Variants in SORCS3 observed in about 807,000 individuals in gnomAD.
SORCS3 encodes the protein sortilin related VPS10 domain containing receptor 3, also known as VPS10 domain-containing receptor SorCS3.
A neutral mutation model predicts 146.3 loss-of-function variants in SORCS3; 57 were observed. That is an observed-to-expected ratio of 0.39 (90% CI 0.31 to 0.49). The LOEUF (loss-of-function observed/expected upper bound fraction) is 0.49, where lower values mean the gene tolerates loss of function less well. Ranked by LOEUF, SORCS3 falls within the 20% of genes least tolerant of loss-of-function variation. The pLI is 0.92. For missense variants in SORCS3, 1,341 were observed against 1,575.5 expected, an observed-to-expected ratio of 0.85 and a Z score of 2.52; for synonymous variants, 653 against 618.5, an observed-to-expected ratio of 1.06 and a Z score of -0.83.
chr10:104,652,236 T>C (rs980369668), intron 1 of SORCS3, among the ~76,000 whole-genome samples: 8 of 152,256 alleles, frequency 5.3e-5, no homozygotes, highest in African/African-American at 1.9e-4. Flanking sequence ...ATTCATTCAA[T>C]AATTTGTTTG....
intron 5 of SORCS3, among the ~76,000 whole-genome samples, chr10:105,046,390 C>T (rs898107839): frequency 2.6e-5 from 4 of 152,068 alleles, no homozygotes; most frequent in African/African-American, 9.7e-5. Context: ...TTTCTTCTCC[C>T]ATGCTACTCG....
chr10:105,005,051 C>T (rs2055086345), intron 4 of SORCS3, among the ~76,000 whole-genome samples: 1 of 152,142 alleles, frequency 6.6e-6, no homozygotes, highest in African/African-American at 2.4e-5. Context: ...AGCCTTTGAC[C>T]AGTTACTCAA....
At chr10:105,139,237 C>A (rs1466761301) in intron 7 of SORCS3, among the ~76,000 whole-genome samples, 160 bp from the exon 8 acceptor site, 1 of 152,184 alleles carries the variant, frequency 6.6e-6, no homozygotes, top group African/African-American at 2.4e-5. Flanking sequence ...GTGGGAGCAA[C>A]TCAGAGTGCC....
intron 7 of SORCS3, among the ~76,000 whole-genome samples, chr10:105,139,028 A>G (rs2056077031): frequency 6.6e-6 from 1 of 152,258 alleles, no homozygotes; most frequent in African/African-American, 2.4e-5. Flanking sequence ...GAATGAATTA[A>G]TAAACAATTC....
intron 7 of SORCS3, among the ~76,000 whole-genome samples, chr10:105,107,365 C>T (rs2055829676): frequency 1.3e-5 from 2 of 149,266 alleles, no homozygotes; most frequent in South Asian, 4.2e-4. Context: ...ATGAATTTAC[C>T]AGTCGGATTT....
intron 3 of SORCS3, among the ~76,000 whole-genome samples, chr10:104,940,236 A>ATTTT (rs1156750677): frequency 4.2e-5 from 1 of 23,612 alleles, no homozygotes; most frequent in Non-Finnish European, 8.7e-5. Context: ...ATATATATAT[A>ATTTT]TATTTTTTTT....
At chr10:104,899,090 C>G (rs561642330) in intron 2 of SORCS3, among the ~76,000 whole-genome samples, 160 of 152,288 alleles carry the variant, frequency 1.1e-3, no homozygotes, top group Non-Finnish European at 1.9e-3. Context: ...CATAGGGACT[C>G]AGTAAACATC....
At chr10:105,242,482 ATT>A (rs1340969113) in intron 20 of SORCS3, among the ~76,000 whole-genome samples, 1 of 54,058 alleles carries the variant, frequency 1.8e-5, no homozygotes, top group African/African-American at 8.3e-5. Context: ...ATATTTATAT[ATT>A]TATATATTTA....
chr10:105,187,315 G>C (rs1187205499), intron 14 of SORCS3, among the ~76,000 whole-genome samples: 5 of 152,052 alleles, frequency 3.3e-5, no homozygotes, highest in Non-Finnish European at 7.4e-5. Flanking sequence ...CCACTTACAG[G>C]ATTCTTGCTG....
At chr10:104,899,240 T>A (rs550679618) in intron 2 of SORCS3, among the ~76,000 whole-genome samples, 3 of 152,210 alleles carry the variant, frequency 2.0e-5, no homozygotes, top group Non-Finnish European at 4.4e-5. Flanking sequence ...AGTATATAGT[T>A]TTTAAACAGA....
intron 4 of SORCS3, among the ~76,000 whole-genome samples, chr10:104,977,822 C>G (rs569140620): frequency 5.4e-5 from 8 of 149,532 alleles, no homozygotes; most frequent in African/African-American, 2.0e-4. Flanking sequence ...ACCTCTGCCT[C>G]CTGGGTTCAA....
chr10:104,840,292 A>C (rs1409762597), intron 1 of SORCS3, among the ~76,000 whole-genome samples: 2 of 152,226 alleles, frequency 1.3e-5, no homozygotes, highest in Non-Finnish European at 2.9e-5. Context: ...TGCTTCCTCC[A>C]TGTAGAAACA....
chr10:105,034,150 G>A (rs17118159), intron 4 of SORCS3, among the ~76,000 whole-genome samples: 1,673 of 152,218 alleles, frequency 0.011, 32 homozygotes, highest in African/African-American at 0.038. Context: ...ACGGAGAGCC[G>A]TGAGAGCAGA....
At chr10:104,982,362 C>A (rs972722840) in intron 4 of SORCS3, among the ~76,000 whole-genome samples, 3 of 152,152 alleles carry the variant, frequency 2.0e-5, no homozygotes, top group African/African-American at 7.2e-5. Context: ...TCATTTAAAA[C>A]CCTCAGATTA....
chr10:104,880,092 C>T (rs953863813), intron 2 of SORCS3, among the ~76,000 whole-genome samples: 6 of 152,190 alleles, frequency 3.9e-5, no homozygotes, highest in Non-Finnish European at 7.4e-5. Flanking sequence ...ACCTGTCCAA[C>T]CAGGCTATAA....
intron 14 of SORCS3, among the ~76,000 whole-genome samples, chr10:105,184,656 G>A (rs2056464108): frequency 6.6e-6 from 1 of 152,102 alleles, no homozygotes; most frequent in Non-Finnish European, 1.5e-5. Flanking sequence ...GTTTTATTGA[G>A]ATATAATTGA....
chr10:105,196,412 T>C (rs1393875690), intron 14 of SORCS3, among the ~76,000 whole-genome samples: 1 of 152,186 alleles, frequency 6.6e-6, no homozygotes, highest in Non-Finnish European at 1.5e-5. Flanking sequence ...GAGACTAGCC[T>C]GACCAACATG....
chr10:104,943,689 A>T (rs1332115482), intron 3 of SORCS3, among the ~76,000 whole-genome samples: 2 of 152,148 alleles, frequency 1.3e-5, no homozygotes, highest in African/African-American at 4.8e-5. Context: ...ATTCTAATGG[A>T]CTTTTTCTGT....
intron 2 of SORCS3, among the ~76,000 whole-genome samples, chr10:104,848,602 G>A (rs369592641): frequency 6.6e-6 from 1 of 152,178 alleles, no homozygotes; most frequent in Non-Finnish European, 1.5e-5. Flanking sequence ...CACCCCATTC[G>A]CTAGGCTCTT....
Sources: gnomAD v4.1 joint callset for allele counts (sites outside exome capture counted in the v4.1 genomes callset) on GRCh38, gnomAD v4.1.1 for gene constraint, MANE v1.5 for transcripts, NCBI Gene and HGNC (gene_info 2026-07-23, HGNC 2026-07-21) for gene names.